Variants in TBC1D14 observed in about 807,000 individuals in gnomAD.
TBC1D14 encodes TBC1 domain family member 14, also known as TBC1 domain family, member 14.
A neutral mutation model predicts 79.0 loss-of-function variants in TBC1D14; 26 were observed. The ratio of observed to expected loss-of-function variants is 0.33; its 90% CI spans 0.24 to 0.46. TBC1D14 has a LOEUF of 0.46. Ranked by LOEUF, TBC1D14 falls within the 20% of genes least tolerant of loss-of-function variation. The pLI is 1.00. For missense variants in TBC1D14, 769 were observed against 887.6 expected, an observed-to-expected ratio of 0.87 and a Z score of 1.70; for synonymous variants, 394 against 349.9, an observed-to-expected ratio of 1.13 and a Z score of -1.40.
intron 3 of TBC1D14, among the ~76,000 whole-genome samples, chr4:6,985,375 C>T (rs572695854): frequency 6.6e-6 from 1 of 152,308 alleles, no homozygotes; most frequent in Non-Finnish European, 1.5e-5. Flanking sequence ...TAAAACACTC[C>T]TTTTTCTCAC....
intron 12 of TBC1D14, among the ~76,000 whole-genome samples, chr4:7,020,113 T>G (rs1292898753): frequency 1.0e-4 from 12 of 119,788 alleles, no homozygotes; most frequent in South Asian, 2.8e-4. Context: ...GCACAGAGGT[T>G]GGTATGTGAA....
At chr4:6,926,991 A>C (rs1402171135) in intron 2 of TBC1D14, among the ~76,000 whole-genome samples, 1 of 152,184 alleles carries the variant, frequency 6.6e-6, no homozygotes, top group East Asian at 1.9e-4. Context: ...ACGTGTGAAC[A>C]GTGTAGTCTA....
At chr4:6,955,238 G>A (rs1358382190) in intron 2 of TBC1D14, among the ~76,000 whole-genome samples, 1 of 152,212 alleles carries the variant, frequency 6.6e-6, no homozygotes, top group Non-Finnish European at 1.5e-5. Context: ...TTTTTGGGGG[G>A]TGGAGATCTG....
At chr4:6,943,173 C>G (rs1018343262) in intron 2 of TBC1D14, among the ~76,000 whole-genome samples, 1 of 151,940 alleles carries the variant, frequency 6.6e-6, no homozygotes, top group Non-Finnish European at 1.5e-5. Context: ...GAGAGCCAGC[C>G]GTGCCTGAAG....
chr4:6,950,545 A>AT (rs1713939893), intron 2 of TBC1D14, among the ~76,000 whole-genome samples: 1 of 151,824 alleles, frequency 6.6e-6, no homozygotes, highest in African/African-American at 2.4e-5. Context: ...GCCATAGGAT[A>AT]CCTTTTATCA....
chr4:6,997,810 A>G (rs1719217862), intron 5 of TBC1D14, among the ~76,000 whole-genome samples: 1 of 152,156 alleles, frequency 6.6e-6, no homozygotes, highest in South Asian at 2.1e-4. Flanking sequence ...GAGGTCCCTA[A>G]GAGCAGTCAA....
At position 7,032,990 on chromosome 4, in the gene TBC1D14, C is replaced by T. The variant is rs1178923991; in HGVS notation, c.*2598C>T. 2 of 152,652 alleles carry T rather than the reference C, an allele frequency of 1.3e-5. No individual in the cohort carries two copies. Among genetic ancestry groups the T allele is most frequent in the Non-Finnish European group, 2.9e-5 (2 of 68,054 alleles). 9.5% of individuals were successfully genotyped at this position (152,652 alleles called of 1,614,324 possible). On this transcript the variant is annotated 3_prime_UTR_variant, in exon 14 of 14. Transcript: ENST00000409757. ...TGAAAACTCCTGATAACACTTGCTA[C>T]ATATCATGTTTTAATTGCTTGTACA...
At chr4:6,983,760 C>A (rs976015665) in intron 3 of TBC1D14, among the ~76,000 whole-genome samples, 2 of 152,182 alleles carry the variant, frequency 1.3e-5, no homozygotes, top group African/African-American at 4.8e-5. Context: ...TTTGCACTTT[C>A]CTTTTTAGTC....
intron 2 of TBC1D14, among the ~76,000 whole-genome samples, chr4:6,948,432 G>T (rs921206744): frequency 6.6e-6 from 1 of 152,140 alleles, no homozygotes; most frequent in African/African-American, 2.4e-5. Flanking sequence ...TCCATTTATT[G>T]TTGTCTAGTT....
At chr4:6,987,363 C>T (rs1447378902) in intron 3 of TBC1D14, 4 of 1,420,460 alleles carry the variant, frequency 2.8e-6, no homozygotes, top group Admixed American at 2.5e-5. Flanking sequence ...AGTCGGGGTG[C>T]GGGCCGGTGC....
chr4:7,029,456 G>A (rs959838512), intron 13 of TBC1D14, among the ~76,000 whole-genome samples: 16 of 152,254 alleles, frequency 1.1e-4, no homozygotes, highest in South Asian at 4.1e-4. Flanking sequence ...TGCTGGGCGC[G>A]AAGCGCTGGC....
intron 12 of TBC1D14, among the ~76,000 whole-genome samples, chr4:7,014,822 G>A (rs1396117262): frequency 2.0e-5 from 3 of 152,206 alleles, no homozygotes; most frequent in African/African-American, 7.2e-5. Flanking sequence ...CTAAGCACCC[G>A]GCCTGTGCAG....
intron 7 of TBC1D14, 103 bp downstream of exon 7, chr4:7,001,354 G>A: frequency 1.0e-6 from 1 of 996,880 alleles, no homozygotes; most frequent in Non-Finnish European, 1.5e-6. Flanking sequence ...CCACGAATCT[G>A]TGTCTTTTGA....
At chr4:6,967,501 C>T in intron 3 of TBC1D14, 77 bp downstream of exon 3, 1 of 1,536,744 alleles carries the variant, frequency 6.5e-7, no homozygotes, top group Non-Finnish European at 8.7e-7. Context: ...CAAAAATGAC[C>T]ATATTGAGTC....
chr4:6,956,102 G>C (rs1371482417), intron 2 of TBC1D14, among the ~76,000 whole-genome samples: 1 of 152,180 alleles, frequency 6.6e-6, no homozygotes, highest in South Asian at 2.1e-4. Context: ...CCATGAGCTT[G>C]ACATTCTGCT....
At chr4:7,021,599 C>A (rs956061533) in intron 12 of TBC1D14, among the ~76,000 whole-genome samples, 23 of 150,760 alleles carry the variant, frequency 1.5e-4, no homozygotes, top group African/African-American at 5.6e-4. Flanking sequence ...CCTGTCTTAA[C>A]AAAAAGAAAA....
intron 3 of TBC1D14, chr4:6,987,312 G>A: frequency 2.1e-6 from 3 of 1,395,726 alleles, no homozygotes; most frequent in Non-Finnish European, 2.8e-6. Flanking sequence ...TGGGCATGGA[G>A]CCTCCGGCCG....
chr4:6,976,610 G>A (rs1716734378), intron 3 of TBC1D14, among the ~76,000 whole-genome samples: 1 of 152,198 alleles, frequency 6.6e-6, no homozygotes, highest in Non-Finnish European at 1.5e-5. Flanking sequence ...ATATTCTCAG[G>A]TGATGAAAAA....
chr4:7,029,821 T>C (rs1722865150), intron 13 of TBC1D14, among the ~76,000 whole-genome samples: 1 of 152,074 alleles, frequency 6.6e-6, no homozygotes, highest in Admixed American at 6.5e-5. Context: ...CGAGACTCCA[T>C]CTCAAAAAGA....
Sources: allele counts gnomAD v4.1 joint callset (sites outside exome capture counted in the v4.1 genomes callset), GRCh38; gene constraint gnomAD v4.1.1; transcripts MANE v1.5; gene names NCBI Gene and HGNC (gene_info 2026-07-23, HGNC 2026-07-21).